The following PTPRD variants were observed in gnomAD, a reference collection of about 807,000 sequenced individuals.
PTPRD encodes receptor-type tyrosine-protein phosphatase delta.
A neutral mutation model predicts 214.5 loss-of-function variants in PTPRD; 34 were observed. The observed-to-expected ratio is 0.16, with a 90% CI of 0.12 to 0.21. PTPRD has a LOEUF of 0.21. Among genes scored for constraint, PTPRD ranks in the 10% least tolerant of loss-of-function variants. PTPRD has a pLI of 1.00. For missense variants in PTPRD, 2,545 were observed against 2,398.7 expected (o/e 1.06, Z -1.27); for synonymous variants, 1,128 against 845.7 (o/e 1.33, Z -5.79).
rs141946645 is a variant in PTPRD at position 10,479,658 on chromosome 9, T to TAAATACATAAATAAATAAACAAAC, written c.-600+132739_-600+132740insGTTTGTTTATTTATTTATGTATTT. Among the ~76,000 whole-genome samples, 3 of 145,812 alleles carry TAAATACATAAATAAATAAACAAAC rather than the reference T, an allele frequency of 2.1e-5. No homozygotes were observed. In the Admixed American group the frequency reaches 2.1e-4, roughly 10 times the overall value. ...ATAAATAAATAAATAAATAAATAAATAAACAAAAATACAAAAATTTGCCAA... is the reference window on the plus strand; with the variant it reads ...ATAAATAAATAAATAAATAAATAAATAAATACATAAATAAATAAACAAACAAACAAAAATACAAAAATTTGCCAA... On this transcript the variant is annotated intron_variant, in intron 2 of 45. Transcript: ENST00000381196.
rs138543766 is a variant in PTPRD at position 9,075,479 on chromosome 9, G to A, written c.-142-56744C>T. 3.7e-3 allele frequency among the ~76,000 whole-genome samples: 565 copies of A among 152,130 alleles called. 8 individuals carry two copies. The highest frequency in any genetic ancestry group is 0.011 in the South Asian group (53 of 4,826). ...CACAACGTGCAGGTTTGTTACATAT[G>A]TATACATGTGTCATGTTGATGTGCT... On this transcript the variant is annotated intron_variant, in intron 10 of 45. Coordinates refer to ENST00000381196, the MANE Select transcript of PTPRD (RefSeq NM_002839.4).
At chr9:8,497,351 G>A (rs2097299463) in intron 25 of PTPRD, 83 bp from the exon 26 acceptor site, 1 of 1,187,598 alleles carries the variant, frequency 8.4e-7, no homozygotes, top group East Asian at 2.8e-5. Flanking sequence ...TGTTGCCCTT[G>A]TTAGATTAAA....
chr9:9,977,449 A>C (rs2095397684), intron 4 of PTPRD, among the ~76,000 whole-genome samples: 1 of 152,206 alleles, frequency 6.6e-6, no homozygotes, highest in Admixed American at 6.5e-5. Context: ...TCTCAGATCT[A>C]TGTTTAAGTT....
intron 9 of PTPRD, among the ~76,000 whole-genome samples, chr9:9,306,961 C>T (rs987366913): frequency 3.9e-5 from 6 of 152,104 alleles, no homozygotes; most frequent in Admixed American, 3.9e-4. Flanking sequence ...TCTTATTTGA[C>T]AAATTCTAAA....
At chr9:10,487,968 C>CTCTCTCTCTCTCTT (rs2099143764) in intron 2 of PTPRD, among the ~76,000 whole-genome samples, 1 of 55,572 alleles carries the variant, frequency 1.8e-5, no homozygotes, top group Non-Finnish European at 3.8e-5. Context: ...TGAACACAGT[C>CTCTCTCTCTCTCTT]TCTCTCTCTC....
At chr9:8,945,571 G>A (rs112084423) in intron 11 of PTPRD, among the ~76,000 whole-genome samples, 45 of 151,938 alleles carry the variant, frequency 3.0e-4, no homozygotes, top group African/African-American at 1.0e-3. Context: ...ATACTCTCTT[G>A]AAAAAAGACA....
chr9:10,227,140 C>A (rs1014654373), intron 3 of PTPRD, among the ~76,000 whole-genome samples: 5 of 151,960 alleles, frequency 3.3e-5, no homozygotes, highest in African/African-American at 1.2e-4. Flanking sequence ...AATATTGTAG[C>A]TTGTCAAAGC....
chr9:8,797,657 T>C (rs939924240), intron 11 of PTPRD, among the ~76,000 whole-genome samples: 4 of 152,148 alleles, frequency 2.6e-5, no homozygotes, highest in African/African-American at 7.2e-5. Flanking sequence ...ATCCACCAAC[T>C]ACATGTGATT....
chr9:9,474,512 A>G (rs991713819), intron 8 of PTPRD, among the ~76,000 whole-genome samples: 8 of 152,228 alleles, frequency 5.3e-5, no homozygotes, highest in Admixed American at 1.3e-4. Context: ...ATTGTATTAA[A>G]TCTATAGATT....
At chr9:8,885,264 T>C (rs1188477618) in intron 11 of PTPRD, among the ~76,000 whole-genome samples, 1 of 152,056 alleles carries the variant, frequency 6.6e-6, no homozygotes, top group Admixed American at 6.6e-5. Flanking sequence ...ATTTTATAGA[T>C]GAGGATTAGG....
intron 3 of PTPRD, among the ~76,000 whole-genome samples, chr9:10,220,968 A>G (rs1387622514): frequency 6.6e-6 from 1 of 151,984 alleles, no homozygotes; most frequent in Non-Finnish European, 1.5e-5. Context: ...ATTAAGAAAT[A>G]AAAACGAAAT....
chr9:9,050,517 T>A (rs2099682821), intron 10 of PTPRD, among the ~76,000 whole-genome samples: 1 of 152,172 alleles, frequency 6.6e-6, no homozygotes, highest in African/African-American at 2.4e-5. Flanking sequence ...AGGTTTCACT[T>A]ACTGTGGCTT....
chr9:8,707,701 G>C (rs1339095474), intron 12 of PTPRD, among the ~76,000 whole-genome samples: 9 of 152,154 alleles, frequency 5.9e-5, no homozygotes, highest in Admixed American at 4.6e-4. Context: ...TCCTCACAGA[G>C]AGAAAAGGTC....
At chr9:10,238,385 G>C (rs2099636122) in intron 3 of PTPRD, among the ~76,000 whole-genome samples, 1 of 151,750 alleles carries the variant, frequency 6.6e-6, no homozygotes, top group Non-Finnish European at 1.5e-5. Context: ...AACTTTACTA[G>C]TGCTACTGAA....
intron 7 of PTPRD, among the ~76,000 whole-genome samples, chr9:9,619,561 AAT>A (rs2095109112): frequency 1.4e-5 from 2 of 146,388 alleles, no homozygotes; most frequent in Admixed American, 6.9e-5. Flanking sequence ...TATATTATCT[AAT>A]ATGTCTAGAT....
At chr9:9,374,596 T>C (rs1039845172) in intron 9 of PTPRD, among the ~76,000 whole-genome samples, 3 of 152,160 alleles carry the variant, frequency 2.0e-5, no homozygotes, top group Non-Finnish European at 4.4e-5. Flanking sequence ...GAATTAAGTC[T>C]TAGAAGGCCT....
intron 3 of PTPRD, among the ~76,000 whole-genome samples, chr9:10,218,885 C>G (rs2099553446): frequency 6.6e-6 from 1 of 151,618 alleles, no homozygotes; most frequent in South Asian, 2.1e-4. Flanking sequence ...TCATAGAACA[C>G]AAGTCTTGAA....
intron 3 of PTPRD, among the ~76,000 whole-genome samples, chr9:10,279,866 G>C (rs10809058): frequency 0.13 from 20,012 of 151,946 alleles, 1,733 homozygotes; most frequent in East Asian, 0.31. Context: ...CCCTTTTCTA[G>C]AAATATTTGT....
chr9:10,588,427 T>TACACACACACACACAC (rs3076471), intron 2 of PTPRD, among the ~76,000 whole-genome samples: 8,030 of 146,528 alleles, frequency 0.055, 277 homozygotes, highest in African/African-American at 0.093. Context: ...TGGCTTATTG[T>TACACACACACACACAC]ACACACACAC....
Sources: gnomAD v4.1 joint callset for allele counts (sites outside exome capture counted in the v4.1 genomes callset) on GRCh38, gnomAD v4.1.1 for gene constraint, MANE v1.5 for transcripts, NCBI Gene and HGNC (gene_info 2026-07-23, HGNC 2026-07-21) for gene names.